NELL2: variants seen among roughly 807,000 people sequenced by gnomAD.
The protein encoded by NELL2 is protein kinase C-binding protein NELL2.
Under a neutral mutation model 109.6 loss-of-function variants are expected in NELL2, and 41 were observed. That is an observed-to-expected ratio of 0.37 (90% CI 0.29 to 0.49). The LOEUF is 0.49. Among genes scored for constraint, NELL2 ranks in the 20% least tolerant of loss-of-function variants. The pLI is 0.98. For missense variants in NELL2, 900 were observed against 1,008.3 expected (o/e 0.89, Z 1.45); for synonymous variants, 355 against 344.7 (o/e 1.03, Z -0.33).
At chr12:44,671,655 A>T (rs1948142086) in intron 12 of NELL2, among the ~76,000 whole-genome samples, 1 of 152,216 alleles carries the variant, frequency 6.6e-6, no homozygotes, top group African/African-American at 2.4e-5. Flanking sequence ...TAATAAATTT[A>T]AAAACTTAGA....
chr12:44,520,234 A>C lies in NELL2; in HGVS notation c.2176-5T>G. The C allele has an allele frequency of 6.2e-7, 1 of 1,606,122 alleles. No individual in the cohort carries two copies. The highest frequency in any genetic ancestry group is 8.5e-7 in the Non-Finnish European group (1 of 1,176,126). On this transcript the variant is annotated splice_region_variant and splice_polypyrimidine_tract_variant and intron_variant, in intron 18 of 19. Coordinates refer to ENST00000429094, the MANE Select transcript of NELL2 (RefSeq NM_001145108.2). ...CCAACAATCAACTTCCCCTTGCTAC[A>C]AGGAAAGCAGATGTGCAAGGGCAGA...
chr12:44,654,650 T>C (rs1215803928), intron 13 of NELL2, among the ~76,000 whole-genome samples: 1 of 152,116 alleles, frequency 6.6e-6, no homozygotes, highest in Non-Finnish European at 1.5e-5. Flanking sequence ...TGTGGCTGTG[T>C]CTCACCCCAA....
chr12:44,529,915 C>G (rs1196766611), intron 16 of NELL2, among the ~76,000 whole-genome samples: 1 of 152,152 alleles, frequency 6.6e-6, no homozygotes, highest in Non-Finnish European at 1.5e-5. Context: ...CAGATGATGT[C>G]AAGGGAAGTT....
At position 44,853,338 on chromosome 12, in the gene NELL2, G is replaced by C. The variant is rs1390710754; in HGVS notation, c.184+21887C>G. Among the ~76,000 whole-genome samples the C allele has an allele frequency of 7.9e-5, 12 of 152,116 alleles. No homozygotes were observed. The East Asian group carries it at 2.1e-3, about 27-fold the overall frequency. On this transcript the variant is annotated intron_variant, in intron 2 of 19. Transcript: ENST00000429094. ...TTTTAAGTTTAAGGAAATTGGTAAA[G>C]TTGTTTCTACGCATTTTCCTTCAAA...
chr12:44,597,953 T>C (rs1262129966), intron 15 of NELL2, among the ~76,000 whole-genome samples: 1 of 152,146 alleles, frequency 6.6e-6, no homozygotes, highest in African/African-American at 2.4e-5. Context: ...ATAATGTTAT[T>C]TGATCCCATT....
rs189345053 is a variant in NELL2, at chr12:44,849,802, C to A, written c.184+25423G>T. Among the ~76,000 whole-genome samples the A allele has an allele frequency of 2.0e-5, 3 of 152,138 alleles. No individual in the cohort carries two copies. In the East Asian group the frequency reaches 5.8e-4, roughly 29 times the overall value. On this transcript the variant is annotated intron_variant, in intron 2 of 19. Transcript: ENST00000429094. Reference sequence around the variant, plus strand: ...GGTATATTCATACAGTGAAATAATACTCAGCAACAAAAGGGAATGCATTAC... The same window carrying A: ...GGTATATTCATACAGTGAAATAATAATCAGCAACAAAAGGGAATGCATTAC...
At chr12:44,678,071 G>A (rs1326028164) in intron 12 of NELL2, among the ~76,000 whole-genome samples, 3 of 151,976 alleles carry the variant, frequency 2.0e-5, no homozygotes, top group Non-Finnish European at 4.4e-5. Context: ...GATGTAGAAT[G>A]AGCAGAAAAC....
chr12:44,558,318 T>C (rs7976936), intron 15 of NELL2, among the ~76,000 whole-genome samples: 5,319 of 152,314 alleles, frequency 0.035, 332 homozygotes, highest in African/African-American at 0.12. Flanking sequence ...TTCTCTGATG[T>C]TCAAGACAAA....
upstream of NELL2, among the ~76,000 whole-genome samples, chr12:44,881,240 G>A (rs1945408368): frequency 6.6e-6 from 1 of 151,830 alleles, no homozygotes; most frequent in African/African-American, 2.4e-5. Context: ...TTGGCATATG[G>A]AGAACTAGAA....
At position 44,774,820 on chromosome 12, in the gene NELL2, G is replaced by A. The variant is rs758656746; in HGVS notation, c.921C>T (p.Ile307=). The A allele has an allele frequency of 6.2e-7, 1 of 1,614,050 alleles. No individual in the cohort carries two copies. The highest frequency in any genetic ancestry group is 8.5e-7 in the Non-Finnish European group (1 of 1,179,902). The change falls in exon 9 of 20, where the codon ATC becomes ATT. Residue 307 remains isoleucine (I), a synonymous_variant. Coordinates refer to ENST00000429094, the MANE Select transcript of NELL2 (RefSeq NM_001145108.2). ...TAAGTGGGCAGTCAGGATTTGGGCAGATTAGAGTTTCACACTGGATGGTTC... is the reference window on the plus strand; with the variant it reads ...TAAGTGGGCAGTCAGGATTTGGGCAAATTAGAGTTTCACACTGGATGGTTC... ...LNGTIQCETL[I]CPNPDCPLKS...
chr12:44,794,166 T>G (rs1942534750), intron 3 of NELL2, among the ~76,000 whole-genome samples: 1 of 152,128 alleles, frequency 6.6e-6, no homozygotes, highest in African/African-American at 2.4e-5. Flanking sequence ...CTAGTAATAG[T>G]AAGCTACTTC....
At chr12:44,804,138 C>T (rs772390987) in intron 3 of NELL2, among the ~76,000 whole-genome samples, 2 of 151,854 alleles carry the variant, frequency 1.3e-5, no homozygotes, top group Non-Finnish European at 2.9e-5. Flanking sequence ...TTCTATGATG[C>T]ATTCAGTATC....
chr12:44,847,969 T>C (rs970105770), intron 2 of NELL2, among the ~76,000 whole-genome samples: 2 of 149,204 alleles, frequency 1.3e-5, no homozygotes, highest in Non-Finnish European at 3.0e-5. Context: ...GAGTCGGAGG[T>C]TGTAGTGAGC....
At chr12:44,642,805 C>A (rs1457971620) in intron 13 of NELL2, among the ~76,000 whole-genome samples, 1 of 152,086 alleles carries the variant, frequency 6.6e-6, no homozygotes, top group Non-Finnish European at 1.5e-5. Flanking sequence ...CCACTGGAAC[C>A]CAGGAGGCGG....
At chr12:44,778,799 T>G (rs567090009) in intron 5 of NELL2, among the ~76,000 whole-genome samples, 1 of 152,194 alleles carries the variant, frequency 6.6e-6, no homozygotes, top group Non-Finnish European at 1.5e-5. Flanking sequence ...AGGCTACTAT[T>G]AGATGGAATC....
intron 3 of NELL2, among the ~76,000 whole-genome samples, chr12:44,810,138 G>T (rs1019843024): frequency 2.0e-5 from 3 of 152,000 alleles, no homozygotes; most frequent in African/African-American, 4.8e-5. Flanking sequence ...GATTCCTGAT[G>T]TACTCATAAT....
At chr12:44,919,499 C>T (rs1945853599) in intron 1 of NELL2, among the ~76,000 whole-genome samples, 1 of 152,114 alleles carries the variant, frequency 6.6e-6, no homozygotes, top group Non-Finnish European at 1.5e-5. Context: ...TCTGCAGACG[C>T]TCAAGTTAGG....
At chr12:44,848,271 A>C (rs1944433182) in intron 2 of NELL2, among the ~76,000 whole-genome samples, 1 of 152,086 alleles carries the variant, frequency 6.6e-6, no homozygotes, top group African/African-American at 2.4e-5. Context: ...CTTTATAGAA[A>C]GCGATGCAGA....
intron 5 of NELL2, among the ~76,000 whole-genome samples, chr12:44,778,299 G>A (rs1049277601): frequency 3.9e-5 from 6 of 152,048 alleles, no homozygotes; most frequent in Non-Finnish European, 5.9e-5. Context: ...CAATGTGAAC[G>A]ATAAATATTT....
Sources: allele counts gnomAD v4.1 joint callset (sites outside exome capture counted in the v4.1 genomes callset), GRCh38; gene constraint gnomAD v4.1.1; transcripts MANE v1.5; gene names NCBI Gene and HGNC (gene_info 2026-07-23, HGNC 2026-07-21).